ANAPC2: variants seen among roughly 807,000 people sequenced by gnomAD.
The protein encoded by ANAPC2 is anaphase promoting complex subunit 2, also known as anaphase-promoting complex subunit 2.
ANAPC2 carries 29 observed loss-of-function variants against 84.3 expected under a neutral mutation model. The observed-to-expected ratio is 0.34, with a 90% CI of 0.26 to 0.47. ANAPC2 has a LOEUF of 0.47. Ranked by LOEUF, ANAPC2 falls within the 20% of genes least tolerant of loss-of-function variation. The probability of loss-of-function intolerance (pLI) is 1.00; values close to 1 mark genes in which losing one functional copy is unlikely to be tolerated. For synonymous variants in ANAPC2, 571 were observed against 479.4 expected, an observed-to-expected ratio of 1.19 and a Z score of -2.50; for missense variants, 857 against 1,131.7, an observed-to-expected ratio of 0.76 and a Z score of 3.48.
At position 137,181,605 on chromosome 9, in the gene ANAPC2, G is replaced by A. The variant is rs1834344854; in HGVS notation, c.1468+76C>T. 7.9e-6 allele frequency: 11 copies of A among 1,398,514 alleles called. No homozygotes were observed. The South Asian group carries it at 1.4e-4, about 18-fold the overall frequency. The allele number at this position is 1,398,514 out of a possible 1,614,324, so 86.6% of individuals were successfully genotyped here. A position where few individuals can be genotyped will look rare whatever the true frequency, so the allele number is the denominator to read the frequency against. On this transcript the variant is annotated intron_variant, in intron 7 of 12. Transcript: ENST00000323927. Reference sequence around the variant, plus strand: ...CTGACACAGCCAAGCTCTGTGACAAGGGATGAGTCCAGAGCGGACGGCCTG... The same window carrying A: ...CTGACACAGCCAAGCTCTGTGACAAAGGATGAGTCCAGAGCGGACGGCCTG...
Position 137,174,888 on chromosome 9 carries a change from CGA to C in ANAPC2, c.*52_*53del, listed in dbSNP as rs1834171687. 2 of 1,435,034 alleles carry C rather than the reference CGA, an allele frequency of 1.4e-6. No homozygotes were observed. Among genetic ancestry groups the C allele is most frequent in the South Asian group, 2.8e-5 (2 of 72,674 alleles). 88.9% of individuals were successfully genotyped at this position (1,435,034 alleles called of 1,614,324 possible). On this transcript the variant is annotated 3_prime_UTR_variant, in exon 13 of 13. Transcript: ENST00000323927. The surrounding 1 kb of genome is among the most constrained non-coding windows in gnomAD (Gnocchi z 6.1). ...GCGGGCGGGGGCTGGCACGGGAGGA[CGA>C]GAGCACCTGCAGGGCAGCGCCTGGC...
At chr9:137,187,042 C>T (rs1300148676) in intron 2 of ANAPC2, 2 of 184,380 alleles carry the variant, frequency 1.1e-5, no homozygotes, top group African/African-American at 4.7e-5. Context: ...CCTCTCCTCT[C>T]CAAACTAACA....
chr9:137,187,381 C>G (rs567223289), intron 2 of ANAPC2, 100 bp downstream of exon 2: 30 of 1,454,996 alleles, frequency 2.1e-5, no homozygotes, highest in African/African-American at 7.1e-5. Flanking sequence ...TCCTGGTTAT[C>G]AGGACGGCTC....
chr9:137,185,858 C>T (rs1365704428), intron 3 of ANAPC2, among the ~76,000 whole-genome samples: 1 of 152,130 alleles, frequency 6.6e-6, no homozygotes, highest in Non-Finnish European at 1.5e-5. Flanking sequence ...CCATTAGGGA[C>T]CGGCCAAGCG....
rs1312318980 is a variant in ANAPC2 at position 137,174,882 on chromosome 9, G to C, written c.*60C>G. ...ACACGGGCGGGCGGGGGCTGGCACG[G>C]GAGGACGAGAGCACCTGCAGGGCAG... On this transcript the variant is annotated 3_prime_UTR_variant, in exon 13 of 13. Coordinates refer to ENST00000323927, the MANE Select transcript of ANAPC2 (RefSeq NM_013366.4). The surrounding 1 kb of genome is among the most constrained non-coding windows in gnomAD (Gnocchi z 6.1). The C allele has an allele frequency of 6.8e-7, 1 of 1,463,018 alleles. No individual in the cohort carries two copies. Among genetic ancestry groups the C allele is most frequent in the African/African-American group, 1.4e-5 (1 of 71,050 alleles). 90.6% of individuals were successfully genotyped at this position (1,463,018 alleles called of 1,614,324 possible).
intron 2 of ANAPC2, 58 bp from the exon 3 acceptor site, chr9:137,186,414 G>C (rs951812805): frequency 6.5e-7 from 1 of 1,530,846 alleles, no homozygotes; most frequent in Non-Finnish European, 8.8e-7. Context: ...CTCTAGCCCA[G>C]AACAGCCCCA....
chr9:137,183,763 C>T lies in ANAPC2; in HGVS notation c.1077G>A (p.Glu359=). 1 of 1,613,342 alleles carries T rather than the reference C, an allele frequency of 6.2e-7. No individual in the cohort carries two copies. The highest frequency in any genetic ancestry group is 8.5e-7 in the Non-Finnish European group (1 of 1,179,920). Reference sequence around the variant, plus strand: ...TCCTCTCCAGGCAGTACTTGAGGTCCTCGATGGCTGGCCGGGAGTCTGGGA... The same window carrying T: ...TCCTCTCCAGGCAGTACTTGAGGTCTTCGATGGCTGGCCGGGAGTCTGGGA... ...RDFPDSRPAI[E]DLKYCLERTD... is the part of the protein sequence containing the mutation. Residue 359 remains glutamate (E), a synonymous_variant, in exon 5 of 13, where the codon GAG becomes GAA. Coordinates refer to ENST00000323927, the MANE Select transcript of ANAPC2 (RefSeq NM_013366.4).
intron 6 of ANAPC2, 120 bp downstream of exon 6, chr9:137,183,005 G>A: frequency 2.5e-6 from 2 of 785,116 alleles, no homozygotes; most frequent in South Asian, 3.2e-5. Context: ...ACTCAGCCCA[G>A]CCGGGGGAGA....
rs766934387 is a variant in ANAPC2, at chr9:137,175,159, G to A, written c.2257-5C>T. 3.1e-5 allele frequency: 50 copies of A among 1,605,520 alleles called. No individual in the cohort carries two copies. Among genetic ancestry groups the A allele is most frequent in the Non-Finnish European group, 4.1e-5 (48 of 1,176,864 alleles). On this transcript the variant is annotated splice_polypyrimidine_tract_variant and splice_region_variant and intron_variant, in intron 12 of 12. Coordinates refer to ENST00000323927, the MANE Select transcript of ANAPC2 (RefSeq NM_013366.4). ...CTGGATGTACGTCCAGAAGAGCTGC[G>A]GACACAGGCCAGCCCCCGTCAGGCA...
intron 2 of ANAPC2, 41 bp from the exon 3 acceptor site, chr9:137,186,397 C>CCG (rs768782851): frequency 3.1e-4 from 478 of 1,555,324 alleles, no homozygotes; most frequent in Non-Finnish European, 3.9e-4. Context: ...AGAGCACACA[C>CCG]CGGCCCCTCT....
chr9:137,183,096 G>C (rs747569984), intron 6 of ANAPC2, 29 bp downstream of exon 6: 2 of 1,567,426 alleles, frequency 1.3e-6, no homozygotes, highest in East Asian at 2.2e-5. Flanking sequence ...CAGGGTCCCA[G>C]TGGCTCCTGG....
intron 8 of ANAPC2, 69 bp from the exon 9 acceptor site, chr9:137,180,596 C>G: frequency 6.2e-7 from 1 of 1,601,966 alleles, no homozygotes; most frequent in African/African-American, 1.3e-5. Flanking sequence ...TGTGGCAGGG[C>G]ACGGGGGTGC....
At position 137,180,986 on chromosome 9, in the gene ANAPC2, G is replaced by A. The variant is rs141604397; in HGVS notation, c.1469-57C>T. On this transcript the variant is annotated intron_variant, in intron 7 of 12. Transcript: ENST00000323927. ...CAGGCACCTGGGCAAGGACAGGGCCGCCCTCCTCCCATCCCGCCCAGCCAG... is the reference window on the plus strand; with the variant it reads ...CAGGCACCTGGGCAAGGACAGGGCCACCCTCCTCCCATCCCGCCCAGCCAG... The A allele has an allele frequency of 5.2e-4, 826 of 1,588,958 alleles. 1 individual carries two copies. Among genetic ancestry groups the A allele is most frequent in the Non-Finnish European group, 6.4e-4 (744 of 1,167,102 alleles).
At chr9:137,178,573 G>A (rs1039959297) in intron 10 of ANAPC2, among the ~76,000 whole-genome samples, 4 of 152,128 alleles carry the variant, frequency 2.6e-5, no homozygotes, top group Non-Finnish European at 4.4e-5. Context: ...GCACGGAGCC[G>A]GGCCACACGG....
At chr9:137,182,260 C>T (rs1834358909) in intron 6 of ANAPC2, among the ~76,000 whole-genome samples, 1 of 152,146 alleles carries the variant, frequency 6.6e-6, no homozygotes. Flanking sequence ...CGCCTGTAAT[C>T]CCAGCACTTC....
intron 6 of ANAPC2, among the ~76,000 whole-genome samples, chr9:137,182,843 G>A (rs1421813169): frequency 6.6e-6 from 1 of 152,216 alleles, no homozygotes; most frequent in Admixed American, 6.5e-5. Context: ...AAGTGGAAGA[G>A]CTTCTCTCTG....
At chr9:137,179,180 T>C (rs1834285582) in intron 10 of ANAPC2, among the ~76,000 whole-genome samples, 1 of 152,124 alleles carries the variant, frequency 6.6e-6, no homozygotes, top group Non-Finnish European at 1.5e-5. Context: ...GTCTGCAGAC[T>C]GGATGCTGGC....
Position 137,174,843 on chromosome 9 carries a change from C to T in ANAPC2, c.*99G>A. On this transcript the variant is annotated 3_prime_UTR_variant, in exon 13 of 13. Transcript: ENST00000323927. The surrounding 1 kb of genome is among the most constrained non-coding windows in gnomAD (Gnocchi z 6.1). ...GGGTGGGGGTGGGCATGCTCCTCAG[C>T]AGTGCATTCTGGGACACGGGCGGGC... The T allele has an allele frequency of 4.8e-6, 7 of 1,446,974 alleles. No individual in the cohort carries two copies. The South Asian group carries it at 9.7e-5, about 20-fold the overall frequency. 89.6% of individuals were successfully genotyped at this position (1,446,974 alleles called of 1,614,324 possible).
Position 137,183,145 on chromosome 9 carries a change from C to T in ANAPC2, c.1266G>A (p.Glu422=), listed in dbSNP as rs145461085. 10,252 of 1,612,764 alleles carry T rather than the reference C, an allele frequency of 6.4e-3. 52 individuals carry two copies. The highest frequency in any genetic ancestry group is 6.9e-3 in the Non-Finnish European group (8,109 of 1,179,810). ...CTCACCTCAGGTAGCGGCGGATAGG[C>T]TCACAGGCCACCTCCAGGATGACCA... ...PSMVILEVAC[E]PIRRYLRTRE... is the part of the protein sequence containing the mutation. The change falls in exon 6 of 13, where the codon GAG becomes GAA. Residue 422 remains glutamate, a synonymous_variant. Transcript: ENST00000323927.
Sources: gnomAD v4.1 joint callset for allele counts (sites outside exome capture counted in the v4.1 genomes callset) on GRCh38, gnomAD v4.1.1 for gene constraint, Gnocchi (gnomAD v3.1) non-coding constraint, MANE v1.5 for transcripts, NCBI Gene and HGNC (gene_info 2026-07-23, HGNC 2026-07-21) for gene names.